Variants in FMO2 observed in about 807,000 individuals in gnomAD.
FMO2 encodes the protein flavin-containing monooxygenase 2.
In FMO2, 33 loss-of-function variants were observed where a neutral mutation model predicts 41.6. That is an observed-to-expected ratio of 0.79 (90% CI 0.60 to 1.06). FMO2 has a LOEUF of 1.06. FMO2 is among the 50% of genes least tolerant of loss of function. The pLI is 0.00. For missense variants in FMO2, 619 were observed against 632.9 expected (o/e 0.98, Z 0.23); for synonymous variants, 214 against 219.6 (o/e 0.97, Z 0.23).
At chr1:171,208,437 G>C (rs1557985485) in intron 8 of FMO2, among the ~76,000 whole-genome samples, 2 of 152,124 alleles carry the variant, frequency 1.3e-5, no homozygotes, top group Admixed American at 1.3e-4. Flanking sequence ...CATCTCCTTT[G>C]AGCAAGACAC....
intron 4 of FMO2, 35 bp from the exon 5 acceptor site, chr1:171,199,311 G>C (rs1658432546): frequency 6.6e-7 from 1 of 1,523,458 alleles, no homozygotes; most frequent in Admixed American, 2.2e-5. Flanking sequence ...TAGTTGCTCT[G>C]GAGCTCACAG....
At chr1:171,206,756 T>C (rs1658771210) in intron 7 of FMO2, among the ~76,000 whole-genome samples, 1 of 152,062 alleles carries the variant, frequency 6.6e-6, no homozygotes, top group East Asian at 1.9e-4. Flanking sequence ...GGAATATAGA[T>C]TTGAAAGTGG....
At position 171,209,014 on chromosome 1, in the gene FMO2, C is replaced by T; in HGVS notation, c.1477C>T (p.Gln493Ter). Reference protein sequence around the residue: ...GARNAIFTQKQRILKPLKTRA... With the variant: ...GARNAIFTQK ...CAGAAATGCCATCTTCACCCAGAAA[C>T]AAAGAATACTGAAGCCACTCAAGAC... Residue 493 changes from glutamine (Q) to a stop codon, truncating the protein, a stop_gained, in exon 9 of 9, where the codon CAA becomes TAA. Transcript: ENST00000209929. LOFTEE classifies it low-confidence loss of function (END_TRUNC). The T allele has an allele frequency of 1.3e-6, 2 of 1,495,752 alleles. No individual in the cohort carries two copies. Among genetic ancestry groups the T allele is most frequent in the South Asian group, 1.2e-5 (1 of 84,484 alleles). 92.7% of individuals were successfully genotyped at this position (1,495,752 alleles called of 1,614,324 possible).
chr1:171,198,953 A>C (rs182213629), intron 4 of FMO2, among the ~76,000 whole-genome samples: 1 of 152,126 alleles, frequency 6.6e-6, no homozygotes, highest in African/African-American at 2.4e-5. Flanking sequence ...CCCAGACTGG[A>C]GTGCAGTGAC....
At chr1:171,206,018 C>T (rs1456857339) in intron 7 of FMO2, among the ~76,000 whole-genome samples, 2 of 152,136 alleles carry the variant, frequency 1.3e-5, no homozygotes, top group Non-Finnish European at 2.9e-5. Context: ...ACTCTTAATA[C>T]TTGAGCAGCT....
intron 5 of FMO2, among the ~76,000 whole-genome samples, chr1:171,199,953 G>A (rs1373549032): frequency 2.6e-5 from 4 of 151,924 alleles, no homozygotes; most frequent in African/African-American, 9.7e-5. Flanking sequence ...CTGAACTCAA[G>A]CAATCTGCCC....
intron 2 of FMO2, among the ~76,000 whole-genome samples, chr1:171,191,682 G>A (rs998381816): frequency 2.6e-5 from 4 of 151,754 alleles, no homozygotes; most frequent in African/African-American, 7.3e-5. Context: ...CAATCCAGTC[G>A]GTGTGACTCC....
At chr1:171,208,701 C>T in intron 8 of FMO2, 93 bp from the exon 9 acceptor site, 1 of 1,153,162 alleles carries the variant, frequency 8.7e-7, no homozygotes, top group Non-Finnish European at 1.3e-6. Flanking sequence ...CATATTCACT[C>T]ATTCCTTCAT....
rs1658881202 is a variant in FMO2 at position 171,209,163 on chromosome 1, G to T, written c.*18G>T. On this transcript the variant is annotated 3_prime_UTR_variant, in exon 9 of 9. Transcript: ENST00000209929. Reference sequence around the variant, plus strand: ...GGTCCTAGTCAGCATAATGCTTTGGGCTTTATTATCTTGTCAGTCACTACC... The same window carrying T: ...GGTCCTAGTCAGCATAATGCTTTGGTCTTTATTATCTTGTCAGTCACTACC... 2 of 441,504 alleles carry T rather than the reference G, an allele frequency of 4.5e-6. No homozygotes were observed. Among genetic ancestry groups the T allele is most frequent in the Admixed American group, 4.0e-5 (1 of 24,744 alleles). The allele number at this position is 441,504 out of a possible 1,614,324, so 27.3% of individuals were successfully genotyped here.
intron 5 of FMO2, among the ~76,000 whole-genome samples, chr1:171,203,641 C>T (rs10912559): frequency 0.036 from 5,482 of 152,170 alleles, 329 homozygotes; most frequent in African/African-American, 0.12. Context: ...AAGACTTTCT[C>T]GTGTCTCCAT....
At chr1:171,201,136 T>G (rs1484569961) in intron 5 of FMO2, among the ~76,000 whole-genome samples, 3 of 152,162 alleles carry the variant, frequency 2.0e-5, no homozygotes, top group Non-Finnish European at 2.9e-5. Context: ...AAACAATCTT[T>G]TGCACAGAGT....
chr1:171,191,622 T>C (rs569541242), intron 2 of FMO2, among the ~76,000 whole-genome samples: 2 of 152,202 alleles, frequency 1.3e-5, no homozygotes, highest in South Asian at 2.1e-4. Flanking sequence ...AACTGACCTA[T>C]GTAACTTGCT....
intron 4 of FMO2, among the ~76,000 whole-genome samples, chr1:171,198,268 C>T (rs1658380021): frequency 6.6e-6 from 1 of 152,172 alleles, no homozygotes; most frequent in South Asian, 2.1e-4. Flanking sequence ...TGGAAACCAA[C>T]TCCTATGTGC....
Position 171,203,991 on chromosome 1 carries a change from G to A in FMO2, c.754G>A (p.Val252Ile), listed in dbSNP as rs747950461. ...MLRNVLPRTA[V>I]KWMIEQQMNR... The stretch of plus-strand genomic sequence containing the variant: ...CCGCAATGTACTGCCACGAACAGCT[G>A]TAAAATGGATGATAGAACAACAGAT... Residue 252 changes from valine (V) to isoleucine (I), a missense_variant, in exon 6 of 9, where the codon GTA (valine) becomes ATA (isoleucine). Transcript: ENST00000209929. 2 of 1,613,756 alleles carry A rather than the reference G, an allele frequency of 1.2e-6. No homozygotes were observed. The highest frequency in any genetic ancestry group is 2.2e-5 in the South Asian group (2 of 91,076).
intron 5 of FMO2, among the ~76,000 whole-genome samples, chr1:171,200,265 C>G (rs963275934): frequency 1.3e-5 from 2 of 152,172 alleles, no homozygotes; most frequent in African/African-American, 4.8e-5. Flanking sequence ...ATGACACCAG[C>G]TGAGCTGCCA....
intron 2 of FMO2, among the ~76,000 whole-genome samples, chr1:171,189,581 G>A (rs1023519827): frequency 2.0e-5 from 3 of 151,700 alleles, no homozygotes; most frequent in African/African-American, 4.8e-5. Flanking sequence ...TAGAGATGTG[G>A]TTCACAAAGT....
At chr1:171,204,680 C>T (rs374582747) in intron 6 of FMO2, among the ~76,000 whole-genome samples, 2 of 151,828 alleles carry the variant, frequency 1.3e-5, no homozygotes, top group Non-Finnish European at 2.9e-5. Context: ...TGCCACGTAT[C>T]GTCTATTAAA....
At chr1:171,195,739 G>A (rs767647473) in intron 3 of FMO2, among the ~76,000 whole-genome samples, 2 of 152,120 alleles carry the variant, frequency 1.3e-5, no homozygotes, top group African/African-American at 2.4e-5. Context: ...TAATCCAGCA[G>A]ATATGAAACA....
At position 171,210,589 on chromosome 1, in the gene FMO2, T is replaced by C. The variant is rs1178280340; in HGVS notation, c.*1444T>C. ...CTTCCCTGAACTGTGCTTTGGAAGA[T>C]AAGCTCTGTCCTGAGTCCAAACCAA... is the stretch of plus-strand genomic sequence containing the variant. On this transcript the variant is annotated 3_prime_UTR_variant, in exon 9 of 9. Transcript: ENST00000209929. The C allele has an allele frequency of 6.6e-6, 1 of 152,224 alleles. No individual in the cohort carries two copies. Among genetic ancestry groups the C allele is most frequent in the Non-Finnish European group, 1.5e-5 (1 of 68,046 alleles). The allele number at this position is 152,224 out of a possible 1,614,324, so 9.4% of individuals were successfully genotyped here. A position where few individuals can be genotyped will look rare whatever the true frequency, so the allele number is the denominator to read the frequency against.
Sources: allele counts gnomAD v4.1 joint callset (sites outside exome capture counted in the v4.1 genomes callset), GRCh38; gene constraint gnomAD v4.1.1; transcripts MANE v1.5; gene names NCBI Gene and HGNC (gene_info 2026-07-23, HGNC 2026-07-21).